Variants in ELMOD1 observed in about 807,000 individuals in gnomAD.
The protein encoded by ELMOD1 is ELMO domain-containing protein 1.
Under a neutral mutation model 46.7 loss-of-function variants are expected in ELMOD1, and 21 were observed. The ratio of observed to expected loss-of-function variants is 0.45; its 90% CI spans 0.32 to 0.65. The LOEUF is 0.65. Ranked by LOEUF, ELMOD1 falls within the 30% of genes least tolerant of loss-of-function variation. The pLI is 0.04. For missense variants in ELMOD1, 348 were observed against 407.8 expected (o/e 0.85, Z 1.26); for synonymous variants, 122 against 138.2 (o/e 0.88, Z 0.82).
intron 6 of ELMOD1, among the ~76,000 whole-genome samples, chr11:107,645,159 G>A (rs1271883816): frequency 7.1e-6 from 1 of 140,354 alleles, no homozygotes; most frequent in East Asian, 2.1e-4. Context: ...GGATGGTCTC[G>A]ATCTCCTGAC....
intron 1 of ELMOD1, chr11:107,600,456 C>T (rs1009353542): frequency 1.3e-5 from 2 of 152,088 alleles, no homozygotes; most frequent in Non-Finnish European, 2.9e-5. Flanking sequence ...CACAGTTCTG[C>T]AACAATATCT....
Position 107,635,722 on chromosome 11 carries a change from C to T in ELMOD1, c.377C>T (p.Ala126Val), listed in dbSNP as rs1190860974. 4.3e-6 allele frequency: 7 copies of T among 1,613,788 alleles called. No homozygotes were observed. The change falls in exon 6 of 12, where the codon GCC (alanine) becomes GTC (valine). Residue 126 changes from alanine to valine, a missense_variant. Coordinates refer to ENST00000265840, the MANE Select transcript of ELMOD1 (RefSeq NM_018712.4). The part of the protein sequence containing the change: ...IADVEKLRRE[A>V]YDSDNPQHEE... ...GATGTGGAAAAACTGCGTAGAGAGG[C>T]CTATGATTCTGATAATCCCCAACAT...
At chr11:107,639,447 C>A (rs970105950) in intron 6 of ELMOD1, among the ~76,000 whole-genome samples, 2 of 152,198 alleles carry the variant, frequency 1.3e-5, no homozygotes, top group East Asian at 3.9e-4. Flanking sequence ...AGACAAAATT[C>A]TAGGTGGATT....
intron 1 of ELMOD1, among the ~76,000 whole-genome samples, chr11:107,600,083 A>G (rs550505): frequency 3.5e-4 from 54 of 152,256 alleles, no homozygotes; most frequent in African/African-American, 1.2e-3. Flanking sequence ...CTAGAAGTAC[A>G]TAAGATAGTG....
chr11:107,604,327 T>C (rs1157992622), intron 1 of ELMOD1, among the ~76,000 whole-genome samples: 2 of 152,226 alleles, frequency 1.3e-5, no homozygotes, highest in African/African-American at 4.8e-5. Context: ...TGAGTTGCTC[T>C]ATCAACAACA....
intron 1 of ELMOD1, among the ~76,000 whole-genome samples, chr11:107,612,454 T>G (rs1433407747): frequency 6.6e-6 from 1 of 152,128 alleles, no homozygotes; most frequent in Non-Finnish European, 1.5e-5. Flanking sequence ...AACCTCAGCA[T>G]CACGCAACAT....
intron 5 of ELMOD1, among the ~76,000 whole-genome samples, chr11:107,633,420 A>AATTT (rs1739792073): frequency 1.3e-5 from 2 of 151,966 alleles, no homozygotes; most frequent in Non-Finnish European, 2.9e-5. Context: ...CGACAGAGAA[A>AATTT]ATTTATTTAT....
intron 5 of ELMOD1, among the ~76,000 whole-genome samples, chr11:107,633,203 T>A (rs1198785666): frequency 6.6e-6 from 1 of 152,190 alleles, no homozygotes; most frequent in Non-Finnish European, 1.5e-5. Flanking sequence ...GTATTTTTTT[T>A]AAATCTCCAT....
At chr11:107,652,693 C>T (rs1037845521) in intron 9 of ELMOD1, among the ~76,000 whole-genome samples, 2 of 152,114 alleles carry the variant, frequency 1.3e-5, no homozygotes, top group African/African-American at 4.8e-5. Flanking sequence ...CTCCTGATTC[C>T]TCTTCAGCTG....
intron 4 of ELMOD1, 57 bp downstream of exon 4, chr11:107,630,785 T>C: frequency 6.5e-7 from 1 of 1,532,692 alleles, no homozygotes; most frequent in Non-Finnish European, 8.8e-7. Flanking sequence ...ACCTTTATCA[T>C]AAGAAGTAAA....
At chr11:107,664,813 A>C (rs1048530263) in intron 11 of ELMOD1, among the ~76,000 whole-genome samples, 1 of 152,090 alleles carries the variant, frequency 6.6e-6, no homozygotes, top group Non-Finnish European at 1.5e-5. Flanking sequence ...TCCAGGGCCA[A>C]TTGCAAAAAG....
At chr11:107,596,030 TA>T (rs1865487245) in intron 1 of ELMOD1, among the ~76,000 whole-genome samples, 2 of 152,104 alleles carry the variant, frequency 1.3e-5, no homozygotes, top group African/African-American at 4.8e-5. Flanking sequence ...TAAGCCTTTT[TA>T]AAAAATCAGT....
At position 107,595,119 on chromosome 11, in the gene ELMOD1, T is replaced by A. The variant is rs1865470322; in HGVS notation, c.-86+3710T>A. Among the ~76,000 whole-genome samples, 3 of 151,634 alleles carry A rather than the reference T, an allele frequency of 2.0e-5. No individual in the cohort carries two copies. The South Asian group carries it at 6.3e-4, about 32-fold the overall frequency. On this transcript the variant is annotated intron_variant, in intron 1 of 11. Transcript: ENST00000265840. ...CAGACTCCAGCAACTGATAATACAATGTCGTTCTAGATTGCCCTTCTGTCA... is the reference window on the plus strand; with the variant it reads ...CAGACTCCAGCAACTGATAATACAAAGTCGTTCTAGATTGCCCTTCTGTCA...
intron 1 of ELMOD1, among the ~76,000 whole-genome samples, chr11:107,610,793 G>A (rs371501377): frequency 1.3e-5 from 2 of 151,770 alleles, no homozygotes. Context: ...TATCATGGCC[G>A]CCTCATTGTT....
At chr11:107,607,545 C>T (rs1023483631) in intron 1 of ELMOD1, among the ~76,000 whole-genome samples, 1 of 152,152 alleles carries the variant, frequency 6.6e-6, no homozygotes, top group Non-Finnish European at 1.5e-5. Flanking sequence ...GTAGTCCCAG[C>T]TACTTGGGAA....
chr11:107,636,684 T>C (rs1866235285), intron 6 of ELMOD1, among the ~76,000 whole-genome samples: 1 of 152,220 alleles, frequency 6.6e-6, no homozygotes, highest in South Asian at 2.1e-4. Context: ...TTTTTGTGTA[T>C]GTAAGTACTT....
rs201215645 is a variant in ELMOD1 at position 107,637,884 on chromosome 11, A to AT, written c.420+2128dup. Among the ~76,000 whole-genome samples the AT allele has an allele frequency of 6.8e-3, 1,033 of 151,344 alleles. 12 individuals carry two copies. Among genetic ancestry groups the AT allele is most frequent in the African/African-American group, 0.023 (967 of 41,230 alleles). On this transcript the variant is annotated intron_variant, in intron 6 of 11. Transcript: ENST00000265840. Reference sequence around the variant, plus strand: ...CATCATCTAAAATACTGTTGGAGGGATTTTTTTTTCCTCAAAACACAGATA... The same window carrying AT: ...CATCATCTAAAATACTGTTGGAGGGATTTTTTTTTTCCTCAAAACACAGATA...
rs530333110 is a variant in ELMOD1 at position 107,631,406 on chromosome 11, C to G, written c.193-174C>G. ...TCAGGAAAATTGCACTACCCCCCCC[C>G]CCATCGTGAAAATGTCAAATTTATT... On this transcript the variant is annotated intron_variant, in intron 4 of 11. Transcript: ENST00000265840. 5.3e-3 allele frequency among the ~76,000 whole-genome samples: 724 copies of G among 135,960 alleles called. 13 individuals carry two copies. Among genetic ancestry groups the G allele is most frequent in the South Asian group, 0.025 (102 of 4,024 alleles). 89.2% of individuals were successfully genotyped at this position (135,960 alleles called of 152,430 possible).
intron 2 of ELMOD1, among the ~76,000 whole-genome samples, chr11:107,628,694 G>A (rs571923327): frequency 9.4e-4 from 143 of 151,464 alleles, no homozygotes; most frequent in African/African-American, 3.4e-3. Context: ...ACTATACATG[G>A]AAATTTTATA....
Sources: allele counts gnomAD v4.1 joint callset (sites outside exome capture counted in the v4.1 genomes callset), GRCh38; gene constraint gnomAD v4.1.1; transcripts MANE v1.5; gene names NCBI Gene and HGNC (gene_info 2026-07-23, HGNC 2026-07-21).